The following WDR97 variants were observed in gnomAD, a reference collection of about 807,000 sequenced individuals.
WDR97 encodes WD repeat domain 97, also known as WD repeat-containing protein 97.
WDR97 carries 111 observed loss-of-function variants against 65.4 expected under a neutral mutation model. The ratio of observed to expected loss-of-function variants is 1.70; its 90% CI spans 1.45 to 1.99. The LOEUF (loss-of-function observed/expected upper bound fraction) is 1.99, where lower values mean the gene tolerates loss of function less well. WDR97 is among the 30% of genes most tolerant of loss of function. The probability of loss-of-function intolerance (pLI) is 0.00; values close to 1 mark genes in which losing one functional copy is unlikely to be tolerated. For synonymous variants in WDR97, 802 were observed against 397.7 expected, an observed-to-expected ratio of 2.02 and a Z score of -12.10; for missense variants, 1,674 against 865.0, an observed-to-expected ratio of 1.94 and a Z score of -11.73.
rs1392361719 is a variant in WDR97 at position 144,112,123 on chromosome 8, G to C, written c.2874G>C (p.Arg958Ser). ...VTVPIPPTHR[R>S]VHSKASQLLA... ...TGCCGATCCCACCCACCCACCGTAGGGTGCACAGCAAGGCATCCCAGGTGA... is the reference window on the plus strand; with the variant it reads ...TGCCGATCCCACCCACCCACCGTAGCGTGCACAGCAAGGCATCCCAGGTGA... Residue 958 changes from arginine (R) to serine (S), a missense_variant, in exon 13 of 24, where the codon AGG becomes AGC. Coordinates refer to ENST00000323662, the MANE Select transcript of WDR97 (RefSeq NM_001316309.2). 7.1e-6 allele frequency: 5 copies of C among 702,296 alleles called. No homozygotes were observed. The highest frequency in any genetic ancestry group is 1.0e-5 in the Non-Finnish European group (4 of 384,792). The allele number at this position is 702,296 out of a possible 1,614,324, so 43.5% of individuals were successfully genotyped here.
rs1239067020 is a variant in WDR97 at position 144,117,358 on chromosome 8, C to T, written c.*1065C>T. On this transcript the variant is annotated 3_prime_UTR_variant, in exon 24 of 24. Transcript: ENST00000323662. ...CTGAGTCTGTCACTAGAGGACTTGA[C>T]ACTTTTTATAAAAAAAATGAGTAAA... The T allele has an allele frequency of 6.6e-6, 1 of 152,250 alleles. No homozygotes were observed. The highest frequency in any genetic ancestry group is 1.9e-4 in the East Asian group (1 of 5,202). 9.4% of individuals were successfully genotyped at this position (152,250 alleles called of 1,614,324 possible). A position where few individuals can be genotyped will look rare whatever the true frequency, so the allele number is the denominator to read the frequency against.
In WDR97 at chr8:144,115,341, G is replaced by C. The variant is rs1474536515; in HGVS notation, c.4078G>C (p.Glu1360Gln). Residue 1360 changes from glutamate (E) to glutamine (Q), a missense_variant and splice_region_variant, in exon 22 of 24, where the codon GAG becomes CAG. By Grantham distance (29) the Glu-to-Gln change is conservative. Coordinates refer to ENST00000323662, the MANE Select transcript of WDR97 (RefSeq NM_001316309.2). Reference protein sequence around the residue: ...KLEDMIQELQETPSQTSVVSG... With the variant: ...KLEDMIQELQQTPSQTSVVSG... ...CTTAGCACTTTCCTCTCCTCCCAAG[G>C]AGACCCCATCGCAGACGTCAGTGGT... 1.7e-6 allele frequency: 1 copy of C among 596,756 alleles called. No homozygotes were observed. The allele number at this position is 596,756 out of a possible 1,614,324, so 37.0% of individuals were successfully genotyped here.
In WDR97 at chr8:144,109,640, G is replaced by A. The variant is rs757615765; in HGVS notation, c.1306G>A (p.Ala436Thr). 3.9e-4 allele frequency: 262 copies of A among 675,748 alleles called. 1 individual carries two copies. The highest frequency in any genetic ancestry group is 2.1e-4 in the Non-Finnish European group (80 of 373,646). The allele number at this position is 675,748 out of a possible 1,614,324, so 41.9% of individuals were successfully genotyped here. A position where few individuals can be genotyped will look rare whatever the true frequency, so the allele number is the denominator to read the frequency against. The change falls in exon 5 of 24, where the codon GCG (alanine) becomes ACG (threonine). Residue 436 changes from alanine to threonine, a missense_variant. By Grantham distance (58) the Ala-to-Thr change is moderately conservative (BLOSUM62 0). Coordinates refer to ENST00000323662, the MANE Select transcript of WDR97 (RefSeq NM_001316309.2). Reference protein sequence around the residue: ...LHVQVAPALPAPAHQSLPTRL... With the variant: ...LHVQVAPALPTPAHQSLPTRL... ...CGTGCAGGTGGCGCCCGCGTTGCCC[G>A]CGCCTGCGCACCAGTCGCTGCCTAC...
chr8:144,110,764 G>A (rs1836530749), intron 8 of WDR97, 25 bp downstream of exon 8: 1 of 702,522 alleles, frequency 1.4e-6, no homozygotes, highest in Admixed American at 2.0e-5. Context: ...GGGGAGGGCT[G>A]GGGTCTCCTA....
chr8:144,107,979 C>G (rs774332204), intron 1 of WDR97, 80 bp from the exon 2 acceptor site: 2 of 701,256 alleles, frequency 2.9e-6, no homozygotes, highest in African/African-American at 3.5e-5. Context: ...GGGCAGGGCC[C>G]CTGGAGGAGG....
chr8:144,113,993 C>G lies in WDR97; in HGVS notation c.3425C>G (p.Thr1142Ser). ...CTCCCCTAGAGTGCTGTGGACTGGACCCAGGAGCCCCGGCGGCGCAGCTGC... is the reference window on the plus strand; with the variant it reads ...CTCCCCTAGAGTGCTGTGGACTGGAGCCAGGAGCCCCGGCGGCGCAGCTGC... ...ELEDQSAVDW[T>S]QEPRRRSCKV... The change falls in exon 18 of 24, where the codon ACC becomes AGC. Residue 1142 changes from threonine to serine, a missense_variant. Transcript: ENST00000323662. The G allele has an allele frequency of 1.4e-6, 1 of 702,632 alleles. No individual in the cohort carries two copies. The allele number at this position is 702,632 out of a possible 1,614,324, so 43.5% of individuals were successfully genotyped here.
rs1196269443 is a variant in WDR97, at chr8:144,115,720, C to T, written c.4457C>T (p.Ala1486Val). ...SQLLDLGPID[A>V]LNFFCEQLRA... ...CTGCTGGACTTGGGCCCCATCGACG[C>T]GCTCAACTTCTTCTGTGAGCAGCTG... is the stretch of plus-strand genomic sequence containing the variant. The change falls in exon 22 of 24, where the codon GCG becomes GTG. Residue 1486 changes from alanine (A) to valine (V), a missense_variant. Physicochemically the swap from Ala to Val is moderately conservative, Grantham distance 64. Transcript: ENST00000323662. 3 of 701,572 alleles carry T rather than the reference C, an allele frequency of 4.3e-6. No homozygotes were observed. Among genetic ancestry groups the T allele is most frequent in the East Asian group, 2.7e-5 (1 of 37,262 alleles). 43.5% of individuals were successfully genotyped at this position (701,572 alleles called of 1,614,324 possible).
rs1340919853 is a variant in WDR97, at chr8:144,115,827, G to A, written c.4564G>A (p.Asp1522Asn). 3 of 687,874 alleles carry A rather than the reference G, an allele frequency of 4.4e-6. No homozygotes were observed. The highest frequency in any genetic ancestry group is 4.1e-5 in the Admixed American group (2 of 48,952). 42.6% of individuals were successfully genotyped at this position (687,874 alleles called of 1,614,324 possible). The change falls in exon 22 of 24, where the codon GAC becomes AAC. Residue 1522 changes from aspartate to asparagine, a missense_variant. Transcript: ENST00000323662. Reference protein sequence around the residue: ...PEPYTVAPVPDMVVPPPREHW... With the variant: ...PEPYTVAPVPNMVVPPPREHW... ...GCCCTACACGGTGGCGCCGGTGCCC[G>A]ACATGGTGGTGCCACCTCCGCGGGA...
At position 144,112,855 on chromosome 8, in the gene WDR97, C is replaced by T. The variant is rs868633721; in HGVS notation, c.3105+325C>T. 1.0e-4 allele frequency: 44 copies of T among 433,862 alleles called. No individual in the cohort carries two copies. In the Middle Eastern group the frequency reaches 1.8e-3, roughly 18 times the overall value. The allele number at this position is 433,862 out of a possible 1,614,324, so 26.9% of individuals were successfully genotyped here. On this transcript the variant is annotated intron_variant, in intron 15 of 23. Transcript: ENST00000323662. ...TGGAGGCGCTGGGAGGGCAGGTCCC[C>T]TAGGGACTTTTCCTGGAAGATCAGA... is the stretch of plus-strand genomic sequence containing the variant.
Position 144,116,429 on chromosome 8 carries a change from G to A in WDR97, c.*136G>A. The A allele has an allele frequency of 3.7e-6, 2 of 537,422 alleles. No homozygotes were observed. Among genetic ancestry groups the A allele is most frequent in the Non-Finnish European group, 6.6e-6 (2 of 305,134 alleles). 33.3% of individuals were successfully genotyped at this position (537,422 alleles called of 1,614,324 possible). ...CTTTGGAGGGCCCCGGGGTGCGCAC[G>A]GCGTGTGGGCGTGCGGCCTGAACCC... On this transcript the variant is annotated 3_prime_UTR_variant, in exon 24 of 24. Coordinates refer to ENST00000323662, the MANE Select transcript of WDR97 (RefSeq NM_001316309.2).
intron 22 of WDR97, 31 bp downstream of exon 22, chr8:144,115,889 G>GTGGGGCAGCCAAGCGTGGGGC: frequency 1.4e-6 from 1 of 698,654 alleles, no homozygotes; most frequent in Non-Finnish European, 2.6e-6. Flanking sequence ...CGGGGCCTGC[G>GTGGGGCAGCCAAGCGTGGGGC]TGGGGCAGCC....
intron 20 of WDR97, 36 bp downstream of exon 20, chr8:144,114,711 G>A (rs1170564783): frequency 1.4e-6 from 1 of 702,486 alleles, no homozygotes; most frequent in Non-Finnish European, 2.6e-6. Context: ...CCCTGCCACT[G>A]GGAAGGCCTC....
chr8:144,111,142 G>A lies in WDR97; in HGVS notation c.2346G>A (p.Pro782=), dbSNP rs987238807. 13 of 702,640 alleles carry A rather than the reference G, an allele frequency of 1.9e-5. No individual in the cohort carries two copies. Among genetic ancestry groups the A allele is most frequent in the African/African-American group, 3.5e-5 (2 of 57,256 alleles). 43.5% of individuals were successfully genotyped at this position (702,640 alleles called of 1,614,324 possible). A position where few individuals can be genotyped will look rare whatever the true frequency, so the allele number is the denominator to read the frequency against. The part of the protein sequence containing the change: ...RKAPDVVDDP[P]LPLMSQESLT... ...CCCCAGACGTGGTGGACGACCCTCC[G>A]CTGCCACTGATGAGCCAGGAGTCAC... is the stretch of plus-strand genomic sequence containing the variant. The change falls in exon 10 of 24, where the codon CCG becomes CCA. Residue 782 remains proline (P), a synonymous_variant. Transcript: ENST00000323662.
chr8:144,116,294 C>G lies in WDR97; in HGVS notation c.*1C>G. On this transcript the variant is annotated 3_prime_UTR_variant, in exon 24 of 24. Transcript: ENST00000323662. ...CGCGGACCCTGACACCTACAGCTGA[C>G]CGGACTGGTGGCCTCAGCCCGCCTG... 1 of 618,540 alleles carries G rather than the reference C, an allele frequency of 1.6e-6. No homozygotes were observed. Among genetic ancestry groups the G allele is most frequent in the Non-Finnish European group, 2.9e-6 (1 of 342,068 alleles). The allele number at this position is 618,540 out of a possible 1,614,324, so 38.3% of individuals were successfully genotyped here.
In WDR97 at chr8:144,109,601, G is replaced by A. The variant is rs1273881786; in HGVS notation, c.1267G>A (p.Ala423Thr). Residue 423 changes from alanine to threonine, a missense_variant, in exon 5 of 24, where the codon GCC becomes ACC. Coordinates refer to ENST00000323662, the MANE Select transcript of WDR97 (RefSeq NM_001316309.2). ...ELYSPLAQLP[A>T]KVLHVQVAPA... The stretch of plus-strand genomic sequence containing the variant: ...CTACTCGCCGTTGGCGCAACTGCCC[G>A]CCAAGGTGCTCCACGTGCAGGTGGC... The A allele has an allele frequency of 2.9e-6, 2 of 689,266 alleles. No homozygotes were observed. Among genetic ancestry groups the A allele is most frequent in the Non-Finnish European group, 5.3e-6 (2 of 379,308 alleles). The allele number at this position is 689,266 out of a possible 1,614,324, so 42.7% of individuals were successfully genotyped here.
Position 144,108,557 on chromosome 8 carries a change from G to A in WDR97, c.491G>A (p.Gly164Asp), listed in dbSNP as rs1164714571. Residue 164 changes from glycine (G) to aspartate (D), a missense_variant, in exon 3 of 24, where the codon GGC (glycine) becomes GAC (aspartate). Gly to Asp is a moderately conservative substitution (Grantham distance 94). Coordinates refer to ENST00000323662, the MANE Select transcript of WDR97 (RefSeq NM_001316309.2). ...GTGCTGGGCCCGCTGGGTGCCGTGG[G>A]CCGTTTTGTAGGCTGGGGCCCCGCG... ...VTVLGPLGAV[G>D]RFVGWGPAGL... 18 of 700,896 alleles carry A rather than the reference G, an allele frequency of 2.6e-5. No homozygotes were observed. Among genetic ancestry groups the A allele is most frequent in the Middle Eastern group, 2.7e-4 (1 of 3,658 alleles). The allele number at this position is 700,896 out of a possible 1,614,324, so 43.4% of individuals were successfully genotyped here.
In WDR97 at chr8:144,114,450, A is replaced by G. The variant is rs1312704304; in HGVS notation, c.3767A>G (p.Asn1256Ser). Reference protein sequence around the residue: ...QLQGLLVHLLNLDQPPSLQDQ... With the variant: ...QLQGLLVHLLSLDQPPSLQDQ... ...CAGGGCCTGCTCGTACACTTGCTCA[A>G]CCTGGACCAGCCCCCCAGCCTCCAG... is the stretch of plus-strand genomic sequence containing the variant. Residue 1256 changes from asparagine to serine, a missense_variant, in exon 19 of 24, where the codon AAC becomes AGC. By Grantham distance (46) the Asn-to-Ser change is conservative. Transcript: ENST00000323662. 1.4e-6 allele frequency: 1 copy of G among 702,672 alleles called. No individual in the cohort carries two copies. The highest frequency in any genetic ancestry group is 2.0e-5 in the Admixed American group (1 of 50,006). The allele number at this position is 702,672 out of a possible 1,614,324, so 43.5% of individuals were successfully genotyped here. A position where few individuals can be genotyped will look rare whatever the true frequency, so the allele number is the denominator to read the frequency against.
rs560643903 is a variant in WDR97 at position 144,114,874 on chromosome 8, G to A, written c.4040G>A (p.Cys1347Tyr). Reference sequence around the variant, plus strand: ...TCCAAGGCCGGCCTGCGCACTTGCTGCCACCAGAAACTGGAGGACATGATC... The same window carrying A: ...TCCAAGGCCGGCCTGCGCACTTGCTACCACCAGAAACTGGAGGACATGATC... ...LDSKAGLRTC[C>Y]HQKLEDMIQE... The change falls in exon 21 of 24, where the codon TGC (cysteine) becomes TAC (tyrosine). Residue 1347 changes from cysteine to tyrosine, a missense_variant. Transcript: ENST00000323662. 3.0e-4 allele frequency: 211 copies of A among 701,646 alleles called. 4 individuals are homozygous for A. The South Asian group carries it at 3.0e-3, about 10-fold the overall frequency. The allele number at this position is 701,646 out of a possible 1,614,324, so 43.5% of individuals were successfully genotyped here.
intron 15 of WDR97, chr8:144,112,815 C>T (rs1308551886): frequency 9.5e-6 from 5 of 524,616 alleles, no homozygotes; most frequent in South Asian, 2.8e-5. Context: ...TTATGCCACA[C>T]ACCCCTTTCC....
Sources: allele counts gnomAD v4.1 joint callset, GRCh38; gene constraint gnomAD v4.1.1; transcripts MANE v1.5; gene names NCBI Gene and HGNC (gene_info 2026-07-23, HGNC 2026-07-21).